The following DST variants were observed in gnomAD, a reference collection of about 807,000 sequenced individuals.
DST encodes the protein bullous pemphigoid antigen.
Under a neutral mutation model 875.2 loss-of-function variants are expected in DST, and 253 were observed. The ratio of observed to expected loss-of-function variants is 0.29; its 90% CI spans 0.26 to 0.32. The LOEUF is 0.32. Ranked by LOEUF, DST falls within the 10% of genes least tolerant of loss-of-function variation. The probability of loss-of-function intolerance (pLI) is 1.00; values close to 1 mark genes in which losing one functional copy is unlikely to be tolerated. For missense variants in DST, 8,287 were observed against 9,111.6 expected, an observed-to-expected ratio of 0.91 and a Z score of 3.68; for synonymous variants, 3,124 against 3,197.1, an observed-to-expected ratio of 0.98 and a Z score of 0.77.
intron 10 of DST, among the ~76,000 whole-genome samples, chr6:56,661,744 G>C (rs1219697032): frequency 6.6e-6 from 1 of 151,962 alleles, no homozygotes; most frequent in African/African-American, 2.4e-5. Flanking sequence ...CTGCCACCAG[G>C]CCTGGCTAAC....
chr6:56,870,382 C>G lies in DST; in HGVS notation c.418-18778G>C, dbSNP rs1776454345. On this transcript the variant is annotated intron_variant, in intron 3 of 103. Transcript: ENST00000680361. ...GCAAAGGCAACCCCCTTTGGGTTCC[C>G]TCCCATTTTATGGGAGCCCTATTTT... Among the ~76,000 whole-genome samples the G allele has an allele frequency of 2.0e-5, 3 of 150,426 alleles. 1 individual carries two copies. The South Asian group carries it at 6.3e-4, about 32-fold the overall frequency.
At position 56,852,997 on chromosome 6, in the gene DST, G is replaced by A. The variant is rs530674381; in HGVS notation, c.418-1393C>T. On this transcript the variant is annotated intron_variant, in intron 3 of 103. Coordinates refer to ENST00000680361, the MANE Select transcript of DST (RefSeq NM_001374736.1). ...TTACCTCAATCTGTTTAGGCCTGTG[G>A]CTATGCATGGTCAACACCATTATTT... Among the ~76,000 whole-genome samples the A allele has an allele frequency of 2.0e-5, 3 of 152,284 alleles. No homozygotes were observed. In the South Asian group the frequency reaches 6.2e-4, roughly 32 times the overall value.
chr6:56,741,235 T>C (rs1401823608), intron 4 of DST, among the ~76,000 whole-genome samples: 1 of 152,232 alleles, frequency 6.6e-6, no homozygotes, highest in Non-Finnish European at 1.5e-5. Context: ...TTTGTTGTTG[T>C]TGTTGTGCTA....
chr6:56,525,827 T>C (rs2096788077), intron 69 of DST, among the ~76,000 whole-genome samples: 1 of 152,174 alleles, frequency 6.6e-6, no homozygotes, highest in Non-Finnish European at 1.5e-5. Context: ...GGAGTATACA[T>C]TCTGCAGGAG....
chr6:56,947,142 C>T (rs1321160586), intron 2 of DST, among the ~76,000 whole-genome samples: 5 of 151,984 alleles, frequency 3.3e-5, no homozygotes, highest in East Asian at 1.9e-4. Context: ...AGGCCCTCTG[C>T]AGCAGAGGCC....
At chr6:56,892,093 T>A (rs2127664161) in intron 3 of DST, among the ~76,000 whole-genome samples, 1 of 152,280 alleles carries the variant, frequency 6.6e-6, no homozygotes, top group South Asian at 2.1e-4. Context: ...TGTTTAATCC[T>A]CCTAAAATCA....
chr6:56,470,755 G>T (rs1443524970), intron 95 of DST, among the ~76,000 whole-genome samples: 2 of 147,520 alleles, frequency 1.4e-5, no homozygotes, highest in Non-Finnish European at 3.0e-5. Context: ...TGAATTTATT[G>T]ACTTCCTATT....
chr6:56,879,999 C>T (rs1781339868), intron 3 of DST, among the ~76,000 whole-genome samples: 1 of 152,218 alleles, frequency 6.6e-6, no homozygotes. Context: ...ATGATAAAGA[C>T]ATTTTTAAAA....
intron 3 of DST, chr6:56,871,518 G>A (rs773977282): frequency 7.8e-5 from 109 of 1,394,328 alleles, no homozygotes; most frequent in Non-Finnish European, 1.0e-4. Context: ...CTTAGAGGTA[G>A]ATTCTCTGGT....
At chr6:56,564,058 G>T (rs932968512) in intron 55 of DST, among the ~76,000 whole-genome samples, 2 of 152,072 alleles carry the variant, frequency 1.3e-5, no homozygotes, top group African/African-American at 2.4e-5. Flanking sequence ...CGGCTATACG[G>T]GCTCTTTTTT....
chr6:56,527,662 C>T lies in DST; in HGVS notation c.17753G>A (p.Ser5918Asn), dbSNP rs1187846873. Residue 5918 changes from serine to asparagine, a missense_variant, in exon 68 of 104, where the codon AGC (serine) becomes AAC (asparagine). Physicochemically the swap from Ser to Asn is conservative, Grantham distance 46. Coordinates refer to ENST00000680361, the MANE Select transcript of DST (RefSeq NM_001374736.1). ...TTCCAGAGTCTTGGCCACATCAGTG[C>T]TCAGTTTAGTAATGTCTTTGTACCT... ...KARYKDITKLSTDVAKTLEQA... is the reference protein window; with the variant it reads ...KARYKDITKLNTDVAKTLEQA... 4 of 1,613,728 alleles carry T rather than the reference C, an allele frequency of 2.5e-6. 1 individual carries two copies. The highest frequency in any genetic ancestry group is 1.1e-5 in the South Asian group (1 of 91,076).
chr6:56,568,915 A>G (rs2097727267), intron 54 of DST, among the ~76,000 whole-genome samples: 1 of 152,214 alleles, frequency 6.6e-6, no homozygotes, highest in East Asian at 1.9e-4. Flanking sequence ...GTAAAACTGT[A>G]CTAGGTAAGA....
Position 56,466,069 on chromosome 6 carries a change from T to A in DST, c.22687+9A>T. The A allele has an allele frequency of 6.3e-7, 1 of 1,578,462 alleles. No homozygotes were observed. The highest frequency in any genetic ancestry group is 2.2e-5 in the East Asian group (1 of 44,626). On this transcript the variant is annotated intron_variant, in intron 99 of 103. Transcript: ENST00000680361. ...TTTCATGATGTTATCATGATAAGCA[T>A]CTCCTTACCCCTGCAAGGATCATTT...
At chr6:56,889,872 T>C (rs1786506205) in intron 3 of DST, among the ~76,000 whole-genome samples, 2 of 152,212 alleles carry the variant, frequency 1.3e-5, no homozygotes, top group Non-Finnish European at 2.9e-5. Context: ...GGGCCAATTT[T>C]GCCAATAAAA....
intron 49 of DST, among the ~76,000 whole-genome samples, chr6:56,579,625 A>C (rs2097928303): frequency 6.6e-6 from 1 of 152,148 alleles, no homozygotes; most frequent in African/African-American, 2.4e-5. Context: ...TGGCTCCTTA[A>C]GAAAGTGTGG....
At chr6:56,851,985 A>T in intron 3 of DST, 1 of 1,450,314 alleles carries the variant, frequency 6.9e-7, no homozygotes, top group Non-Finnish European at 9.0e-7. Context: ...GACAGTAGAA[A>T]TATTTTCCAT....
chr6:56,876,229 C>G (rs1192138566), intron 3 of DST, among the ~76,000 whole-genome samples: 1 of 152,164 alleles, frequency 6.6e-6, no homozygotes, highest in East Asian at 1.9e-4. Flanking sequence ...TGAGTGTAGT[C>G]ATCTGGGAAG....
chr6:56,709,414 G>A (rs1005272892), intron 5 of DST, among the ~76,000 whole-genome samples: 1 of 152,138 alleles, frequency 6.6e-6, no homozygotes, highest in Admixed American at 6.5e-5. Context: ...ATTTCCTTTT[G>A]TTAACCTATA....
intron 9 of DST, among the ~76,000 whole-genome samples, chr6:56,679,145 T>C (rs1394426698): frequency 2.0e-5 from 3 of 152,212 alleles, no homozygotes; most frequent in African/African-American, 7.2e-5. Flanking sequence ...CTTCTATCTT[T>C]ACATCCTTCT....
Sources: gnomAD v4.1 joint callset for allele counts (sites outside exome capture counted in the v4.1 genomes callset) on GRCh38, gnomAD v4.1.1 for gene constraint, MANE v1.5 for transcripts, NCBI Gene and HGNC (gene_info 2026-07-23, HGNC 2026-07-21) for gene names.